The following NRG3 variants were observed in gnomAD, a reference collection of about 807,000 sequenced individuals.
NRG3 encodes the protein pro-neuregulin-3, membrane-bound isoform.
Under a neutral mutation model 66.9 loss-of-function variants are expected in NRG3, and 31 were observed. That is an observed-to-expected ratio of 0.46 (90% CI 0.35 to 0.63). The LOEUF (loss-of-function observed/expected upper bound fraction) is 0.63, where lower values mean the gene tolerates loss of function less well. Among genes scored for constraint, NRG3 ranks in the 20% least tolerant of loss-of-function variants. The pLI, the probability that NRG3 is intolerant of heterozygous loss-of-function variation, is 0.00. For missense variants in NRG3, 910 were observed against 878.9 expected (o/e 1.04, Z -0.45); for synonymous variants, 393 against 359.4 (o/e 1.09, Z -1.06).
intron 2 of NRG3, among the ~76,000 whole-genome samples, chr10:82,505,093 T>A (rs2132387045): frequency 6.6e-6 from 1 of 152,344 alleles, no homozygotes; most frequent in East Asian, 1.9e-4. Context: ...ATTGCACAGA[T>A]AATTTTGGAA....
chr10:82,761,936 C>CTT (rs750248932), intron 3 of NRG3, among the ~76,000 whole-genome samples: 9 of 126,116 alleles, frequency 7.1e-5, no homozygotes, highest in Non-Finnish European at 1.4e-4. Context: ...TTCTTTCTTT[C>CTT]TTTCTTTCTT....
intron 2 of NRG3, among the ~76,000 whole-genome samples, chr10:82,510,036 CT>C (rs1026184826): frequency 6.6e-6 from 1 of 152,158 alleles, no homozygotes; most frequent in African/African-American, 2.4e-5. Context: ...CAAGTATCCC[CT>C]TTGTGATCTA....
intron 2 of NRG3, among the ~76,000 whole-genome samples, chr10:82,406,618 G>A (rs1590014926): frequency 6.6e-6 from 1 of 152,236 alleles, no homozygotes; most frequent in East Asian, 1.9e-4. Context: ...TGCAGATATC[G>A]ATTGCCCAAT....
intron 2 of NRG3, among the ~76,000 whole-genome samples, chr10:82,706,172 A>G (rs1203125228): frequency 6.6e-6 from 1 of 152,108 alleles, no homozygotes; most frequent in Non-Finnish European, 1.5e-5. Context: ...ATTTGTGACA[A>G]TCTTTTCAGC....
chr10:82,857,836 A>C (rs2063894186), intron 3 of NRG3, among the ~76,000 whole-genome samples: 1 of 152,232 alleles, frequency 6.6e-6, no homozygotes, highest in Non-Finnish European at 1.5e-5. Context: ...TAAAGGGAGC[A>C]TGAAGTTTAG....
intron 2 of NRG3, among the ~76,000 whole-genome samples, chr10:82,658,561 GA>G (rs11295837): frequency 0.43 from 64,241 of 148,266 alleles, 14,532 homozygotes; most frequent in Non-Finnish European, 0.52. Flanking sequence ...AAAAAAGCCA[GA>G]AAAAAAAAAG....
At chr10:82,347,052 G>T (rs995307788) in intron 1 of NRG3, among the ~76,000 whole-genome samples, 1 of 150,804 alleles carries the variant, frequency 6.6e-6, no homozygotes, top group Middle Eastern at 3.2e-3. Context: ...AGGGTTTTTT[G>T]TGTCTCTATT....
chr10:82,869,038 A>G lies in NRG3; in HGVS notation c.1054+3601A>G, dbSNP rs144917950. Among the ~76,000 whole-genome samples the G allele has an allele frequency of 4.6e-5, 7 of 152,208 alleles. No individual in the cohort carries two copies. In the East Asian group the frequency reaches 1.4e-3, roughly 29 times the overall value. ...AATCCATATGGGTAAAATTCCTTCC[A>G]CTGAAAGTGCCATCATCCCAAGTAA... is the stretch of plus-strand genomic sequence containing the variant. On this transcript the variant is annotated intron_variant, in intron 4 of 8. Coordinates refer to ENST00000372141, the MANE Select transcript of NRG3 (RefSeq NM_001010848.4).
intron 2 of NRG3, among the ~76,000 whole-genome samples, chr10:82,698,244 G>T (rs989570390): frequency 3.9e-5 from 6 of 152,050 alleles, no homozygotes; most frequent in African/African-American, 1.4e-4. Context: ...GATAAAGCCA[G>T]TTCAAACAGA....
chr10:82,192,757 A>G (rs1230116735), intron 1 of NRG3, among the ~76,000 whole-genome samples: 1 of 152,196 alleles, frequency 6.6e-6, no homozygotes, highest in Non-Finnish European at 1.5e-5. Context: ...CTTAAAATCT[A>G]GGGGAAAAAT....
intron 2 of NRG3, among the ~76,000 whole-genome samples, chr10:82,532,123 A>G (rs985716105): frequency 4.0e-5 from 6 of 151,886 alleles, no homozygotes; most frequent in African/African-American, 1.4e-4. Flanking sequence ...TGAAGCATTT[A>G]TCATTTCTTT....
intron 2 of NRG3, among the ~76,000 whole-genome samples, chr10:82,367,591 C>G (rs1010716769): frequency 3.3e-5 from 5 of 151,634 alleles, no homozygotes; most frequent in Non-Finnish European, 7.4e-5. Context: ...TTTTTATTTC[C>G]TTGCAGACTC....
chr10:81,982,877 A>G (rs1179829318), intron 1 of NRG3, among the ~76,000 whole-genome samples: 2 of 152,246 alleles, frequency 1.3e-5, no homozygotes, highest in Non-Finnish European at 2.9e-5. Context: ...TCGTAACTTA[A>G]CAATAAATGA....
rs184309272 is a variant in NRG3, at chr10:82,456,614, T to C, written c.953+97746T>C. ...TCATATATGCCAGTTCCTTTTTCACTGAAATGTTATTATATGGTGCATGAC... is the reference window on the plus strand; with the variant it reads ...TCATATATGCCAGTTCCTTTTTCACCGAAATGTTATTATATGGTGCATGAC... On this transcript the variant is annotated intron_variant, in intron 2 of 8. Coordinates refer to ENST00000372141, the MANE Select transcript of NRG3 (RefSeq NM_001010848.4). Among the ~76,000 whole-genome samples, 284 of 152,308 alleles carry C rather than the reference T, an allele frequency of 1.9e-3. 1 individual carries two copies. The highest frequency in any genetic ancestry group is 6.4e-3 in the African/African-American group (266 of 41,564).
Position 81,920,397 on chromosome 10 carries a change from CT to C in NRG3, c.823+44235del, listed in dbSNP as rs538818507. On this transcript the variant is annotated intron_variant, in intron 1 of 8. Coordinates refer to ENST00000372141, the MANE Select transcript of NRG3 (RefSeq NM_001010848.4). The stretch of plus-strand genomic sequence containing the variant: ...CTGGTGCTTTGCTGCCCAGGCACCC[CT>C]AATCTTAGCCCCCACCACTAGGGGG... Among the ~76,000 whole-genome samples the C allele has an allele frequency of 1.0e-3, 153 of 152,198 alleles. 1 individual carries two copies. The highest frequency in any genetic ancestry group is 3.5e-3 in the African/African-American group (145 of 41,538).
intron 1 of NRG3, among the ~76,000 whole-genome samples, chr10:82,119,786 A>G (rs2067969036): frequency 6.6e-6 from 1 of 152,090 alleles, no homozygotes; most frequent in African/African-American, 2.4e-5. Context: ...CCATGTTGAG[A>G]AAGAGTGAAA....
At chr10:82,600,201 A>T (rs1187990351) in intron 2 of NRG3, among the ~76,000 whole-genome samples, 2 of 152,168 alleles carry the variant, frequency 1.3e-5, no homozygotes, top group Non-Finnish European at 2.9e-5. Context: ...AATAGCTGTA[A>T]GTATCAGGGG....
chr10:82,728,319 A>G (rs66927574), intron 2 of NRG3, among the ~76,000 whole-genome samples: 13,172 of 152,170 alleles, frequency 0.087, 760 homozygotes, highest in African/African-American at 0.15. Context: ...AACTCCTGCA[A>G]TTCCCACATG....
At chr10:82,106,704 C>A (rs2067083177) in intron 1 of NRG3, among the ~76,000 whole-genome samples, 1 of 151,888 alleles carries the variant, frequency 6.6e-6, no homozygotes, top group Non-Finnish European at 1.5e-5. Context: ...CAGGTTTTCT[C>A]CATGTTGGCC....
Sources: gnomAD v4.1 joint callset for allele counts (sites outside exome capture counted in the v4.1 genomes callset) on GRCh38, gnomAD v4.1.1 for gene constraint, MANE v1.5 for transcripts, NCBI Gene and HGNC (gene_info 2026-07-23, HGNC 2026-07-21) for gene names.